The following RYR2 variants were observed in gnomAD, a reference collection of about 807,000 sequenced individuals.
RYR2 encodes the protein ryanodine receptor 2, also known as cardiac muscle ryanodine receptor-calcium release channel.
A neutral mutation model predicts 601.1 loss-of-function variants in RYR2; 227 were observed. That is an observed-to-expected ratio of 0.38 (90% CI 0.34 to 0.42). The LOEUF (loss-of-function observed/expected upper bound fraction) is 0.42. Ranked by LOEUF, RYR2 falls within the 10% of genes least tolerant of loss-of-function variation. The pLI, the probability that RYR2 is intolerant of heterozygous loss-of-function variation, is 1.00. For synonymous variants in RYR2, 2,223 were observed against 2,175.1 expected, an observed-to-expected ratio of 1.02 and a Z score of -0.61; for missense variants, 4,646 against 6,156.5, an observed-to-expected ratio of 0.75 and a Z score of 8.21.
chr1:237,647,454 T>C (rs967406056), intron 48 of RYR2, among the ~76,000 whole-genome samples: 9 of 151,450 alleles, frequency 5.9e-5, no homozygotes. Context: ...TTGGGTGTTA[T>C]AATTATAAGG....
intron 1 of RYR2, among the ~76,000 whole-genome samples, chr1:237,156,304 AT>A (rs139329861): frequency 1.2e-3 from 189 of 152,180 alleles, no homozygotes; most frequent in African/African-American, 3.8e-3. Flanking sequence ...TTAAAGGTTA[AT>A]TTTTTTTGTT....
chr1:237,533,607 A>G (rs1338796383), intron 25 of RYR2, among the ~76,000 whole-genome samples: 1 of 152,222 alleles, frequency 6.6e-6, no homozygotes, highest in Non-Finnish European at 1.5e-5. Flanking sequence ...GAACCTAAAA[A>G]ATAATAAGGG....
Position 237,682,877 on chromosome 1 carries a change from G to A in RYR2, c.9017+2300G>A, listed in dbSNP as rs545823277. Among the ~76,000 whole-genome samples, 126 of 152,268 alleles carry A rather than the reference G, an allele frequency of 8.3e-4. 1 individual carries two copies. The highest frequency in any genetic ancestry group is 2.9e-3 in the African/African-American group (119 of 41,552). ...TAACTTATGTTATTACAGTACTTTA[G>A]TGCCAAACATAGCTAGAATTTAACC... On this transcript the variant is annotated intron_variant, in intron 62 of 104. Coordinates refer to ENST00000366574, the MANE Select transcript of RYR2 (RefSeq NM_001035.3).
intron 101 of RYR2, among the ~76,000 whole-genome samples, chr1:237,822,143 G>A (rs917134167): frequency 6.6e-6 from 1 of 152,138 alleles, no homozygotes; most frequent in Non-Finnish European, 1.5e-5. Context: ...TAGCAAGGCA[G>A]ACCAACATTC....
chr1:237,105,652 T>A (rs1396531169), intron 1 of RYR2, among the ~76,000 whole-genome samples: 5 of 151,812 alleles, frequency 3.3e-5, no homozygotes, highest in African/African-American at 9.7e-5. Context: ...GTCAACATGG[T>A]AAAACACTGT....
chr1:237,434,283 G>C (rs114719843), intron 12 of RYR2, among the ~76,000 whole-genome samples: 8,135 of 152,220 alleles, frequency 0.053, 293 homozygotes, highest in Non-Finnish European at 0.08. Context: ...GTCTTTGACA[G>C]TAATGTGAAC....
chr1:237,703,727 T>G (rs1448840877), intron 66 of RYR2, among the ~76,000 whole-genome samples: 4 of 151,378 alleles, frequency 2.6e-5, no homozygotes, highest in Non-Finnish European at 4.4e-5. Flanking sequence ...TTATTTCATG[T>G]ATGTTTCTTC....
At position 237,543,217 on chromosome 1, in the gene RYR2, A is replaced by G. The variant is rs1036834952; in HGVS notation, c.2907-5214A>G. On this transcript the variant is annotated intron_variant, in intron 25 of 104. Transcript: ENST00000366574. ...CCTTCTTGAGAGCAGTGGATACTTC[A>G]TGGTCTTGTTTCAAAGGGGCTGAGG... is the stretch of plus-strand genomic sequence containing the variant. Among the ~76,000 whole-genome samples the G allele has an allele frequency of 4.6e-5, 7 of 151,994 alleles. No homozygotes were observed. In the East Asian group the frequency reaches 1.4e-3, roughly 29 times the overall value.
At position 237,219,357 on chromosome 1, in the gene RYR2, C is replaced by T. The variant is rs80248685; in HGVS notation, c.49-51140C>T. The stretch of plus-strand genomic sequence containing the variant: ...ATCCGTCCATTCACTCATCATAGGA[C>T]GGCTGCAGGACTTTCACATATCCCA... On this transcript the variant is annotated intron_variant, in intron 1 of 104. Transcript: ENST00000366574. Among the ~76,000 whole-genome samples, 415 of 152,220 alleles carry T rather than the reference C, an allele frequency of 2.7e-3. 15 individuals carry two copies. The East Asian group carries it at 0.067, about 24-fold the overall frequency.
intron 35 of RYR2, among the ~76,000 whole-genome samples, chr1:237,602,950 C>G (rs185179406): frequency 9.5e-4 from 144 of 152,108 alleles, no homozygotes; most frequent in African/African-American, 3.4e-3. Flanking sequence ...GTGATTAGAG[C>G]CATGGAAGTC....
chr1:237,779,644 A>G (rs1180046742), intron 88 of RYR2, among the ~76,000 whole-genome samples: 2 of 152,246 alleles, frequency 1.3e-5, no homozygotes, highest in Non-Finnish European at 2.9e-5. Flanking sequence ...GACAATATGC[A>G]GGATATATTG....
chr1:237,064,751 C>CTTTT lies in RYR2; in HGVS notation c.48+22210_48+22213dup, dbSNP rs551797601. ...GTTTTTTGTTTTTACTAGAACCTGT[C>CTTTT]TTTTTTTTTTTTTTTTTTTTTTTTT... On this transcript the variant is annotated intron_variant, in intron 1 of 104. Transcript: ENST00000366574. Among the ~76,000 whole-genome samples the CTTTT allele has an allele frequency of 2.3e-4, 25 of 109,940 alleles. 1 individual carries two copies. The highest frequency in any genetic ancestry group is 8.1e-4 in the African/African-American group (20 of 24,834). The allele number at this position is 109,940 out of a possible 152,430, so 72.1% of individuals were successfully genotyped here.
intron 27 of RYR2, among the ~76,000 whole-genome samples, chr1:237,555,644 T>C (rs1201229271): frequency 6.6e-6 from 1 of 152,162 alleles, no homozygotes; most frequent in Non-Finnish European, 1.5e-5. Context: ...ACTCTACATT[T>C]AGAAGGAACT....
chr1:237,258,181 A>G (rs902546182), intron 1 of RYR2, among the ~76,000 whole-genome samples: 8 of 151,688 alleles, frequency 5.3e-5, no homozygotes, highest in Admixed American at 2.0e-4. Context: ...AAAAAAAAAA[A>G]AAAGAAAGAA....
At chr1:237,516,240 A>G (rs1666534459) in intron 24 of RYR2, among the ~76,000 whole-genome samples, 1 of 152,004 alleles carries the variant, frequency 6.6e-6, no homozygotes, top group African/African-American at 2.4e-5. Flanking sequence ...CCTCCCGAGT[A>G]GCTGGGATTA....
chr1:237,163,852 G>A (rs933504825), intron 1 of RYR2, among the ~76,000 whole-genome samples: 5 of 152,228 alleles, frequency 3.3e-5, no homozygotes, highest in Non-Finnish European at 7.3e-5. Context: ...TGAGCTAAGG[G>A]ACCGCCAAGG....
intron 1 of RYR2, among the ~76,000 whole-genome samples, chr1:237,262,068 T>G (rs954238716): frequency 2.0e-5 from 3 of 152,096 alleles, no homozygotes; most frequent in Non-Finnish European, 4.4e-5. Flanking sequence ...GATGAATGAC[T>G]ATTTGAAAGG....
chr1:237,533,492 G>C (rs1668327576), intron 25 of RYR2, among the ~76,000 whole-genome samples: 1 of 152,110 alleles, frequency 6.6e-6, no homozygotes, highest in Non-Finnish European at 1.5e-5. Context: ...TAAAGAATAA[G>C]GGGGTAGTTA....
chr1:237,598,839 A>C (rs1676177043), intron 34 of RYR2, among the ~76,000 whole-genome samples: 1 of 152,206 alleles, frequency 6.6e-6, no homozygotes, highest in South Asian at 2.1e-4. Context: ...AACAATACAA[A>C]AGATCAATGA....
Sources: allele counts gnomAD v4.1 joint callset (sites outside exome capture counted in the v4.1 genomes callset), GRCh38; gene constraint gnomAD v4.1.1; transcripts MANE v1.5; gene names NCBI Gene and HGNC (gene_info 2026-07-23, HGNC 2026-07-21).